Variants in ADCY1 observed in about 807,000 individuals in gnomAD.
ADCY1 encodes adenylate cyclase type 1.
In ADCY1, 28 loss-of-function variants were observed where a neutral mutation model predicts 105.4. That is an observed-to-expected ratio of 0.27 (90% CI 0.20 to 0.36). The LOEUF is 0.36. Ranked by LOEUF, ADCY1 falls within the 10% of genes least tolerant of loss-of-function variation. The pLI is 1.00. For synonymous variants in ADCY1, 655 were observed against 623.8 expected (o/e 1.05, Z -0.75); for missense variants, 977 against 1,434.2 (o/e 0.68, Z 5.15).
chr7:45,687,808 G>C lies in ADCY1; in HGVS notation c.2454+1135G>C, dbSNP rs76773314. On this transcript the variant is annotated intron_variant, in intron 14 of 19. Coordinates refer to ENST00000297323, the MANE Select transcript of ADCY1 (RefSeq NM_021116.4). Reference sequence around the variant, plus strand: ...GCTGGGATCCAGCTGCCATCTGTGTGATCTTTGGGTAGGCTCTGAACCTGT... The same window carrying C: ...GCTGGGATCCAGCTGCCATCTGTGTCATCTTTGGGTAGGCTCTGAACCTGT... Among the ~76,000 whole-genome samples the C allele has an allele frequency of 4.6e-3, 702 of 152,302 alleles. 5 individuals are homozygous for C. Among genetic ancestry groups the C allele is most frequent in the African/African-American group, 0.016 (668 of 41,570 alleles).
Position 45,574,499 on chromosome 7 carries a change from C to T in ADCY1, c.-45C>T. 2 of 939,744 alleles carry T rather than the reference C, an allele frequency of 2.1e-6. No individual in the cohort carries two copies. The highest frequency in any genetic ancestry group is 2.5e-6 in the Non-Finnish European group (2 of 793,400). 58.2% of individuals were successfully genotyped at this position (939,744 alleles called of 1,614,324 possible). ...CCGCCCGCGCCCCGGCGCCCCGGGC[C>T]GGCGAGGGGCGCGCCCGCGGCCGCG... On this transcript the variant is annotated 5_prime_UTR_variant, in exon 1 of 20. Coordinates refer to ENST00000297323, the MANE Select transcript of ADCY1 (RefSeq NM_021116.4). The surrounding 1 kb of genome is among the most constrained non-coding windows in gnomAD (Gnocchi z 7.0).
intron 1 of ADCY1, among the ~76,000 whole-genome samples, chr7:45,590,966 C>G (rs1584252785): frequency 1.3e-5 from 2 of 152,192 alleles, no homozygotes; most frequent in Middle Eastern, 6.8e-3. Flanking sequence ...AGGGTCAGGT[C>G]CCCCATGGAG....
At chr7:45,656,309 A>G (rs1045020129) in intron 5 of ADCY1, among the ~76,000 whole-genome samples, 1 of 152,194 alleles carries the variant, frequency 6.6e-6, no homozygotes, top group Non-Finnish European at 1.5e-5. Context: ...TCTCAAAAAA[A>G]AAAAAAAGTA....
intron 14 of ADCY1, among the ~76,000 whole-genome samples, chr7:45,699,563 C>T (rs372121892): frequency 3.5e-5 from 5 of 143,224 alleles, no homozygotes; most frequent in African/African-American, 1.2e-4. Context: ...GTGAGAGCTG[C>T]GGACAAGGTG....
At chr7:45,644,188 C>T (rs1013107545) in intron 4 of ADCY1, among the ~76,000 whole-genome samples, 1 of 152,176 alleles carries the variant, frequency 6.6e-6, no homozygotes, top group South Asian at 2.1e-4. Flanking sequence ...AATTGGGATG[C>T]AGTGTGCGAG....
At chr7:45,675,677 C>T (rs1354133492) in intron 8 of ADCY1, among the ~76,000 whole-genome samples, 1 of 151,832 alleles carries the variant, frequency 6.6e-6, no homozygotes. Context: ...GAATGTTTTC[C>T]CACTTTTTTC....
At position 45,575,940 on chromosome 7, in the gene ADCY1, C is replaced by T. The variant is rs1302132977; in HGVS notation, c.639+758C>T. 6.6e-6 allele frequency among the ~76,000 whole-genome samples: 1 copy of T among 152,256 alleles called. No individual in the cohort carries two copies. Among genetic ancestry groups the T allele is most frequent in the African/African-American group, 2.4e-5 (1 of 41,474 alleles). ...TGGGCCCTGGAGGAGCCTGCTCTTC[C>T]AACTGCCCGGAGGTGGACGTGGACC... On this transcript the variant is annotated intron_variant, in intron 1 of 19. Transcript: ENST00000297323. The surrounding 1 kb of genome is among the most constrained non-coding windows in gnomAD (Gnocchi z 4.7).
rs117978250 is a variant in ADCY1, at chr7:45,581,928, G to A, written c.639+6746G>A. Among the ~76,000 whole-genome samples, 1,308 of 152,148 alleles carry A rather than the reference G, an allele frequency of 8.6e-3. 74 individuals are homozygous for A. The East Asian group carries it at 0.13, about 15-fold the overall frequency. On this transcript the variant is annotated intron_variant, in intron 1 of 19. Transcript: ENST00000297323. ...ACTCATTCTCCCCCCAAACATGCATGCACATAATCACACAGAAACACACAC... is the reference window on the plus strand; with the variant it reads ...ACTCATTCTCCCCCCAAACATGCATACACATAATCACACAGAAACACACAC...
chr7:45,658,546 CTT>C lies in ADCY1; in HGVS notation c.1307+664_1307+665del, dbSNP rs572767789. Among the ~76,000 whole-genome samples, 11 of 152,336 alleles carry C rather than the reference CTT, an allele frequency of 7.2e-5. No individual in the cohort carries two copies. In the East Asian group the frequency reaches 2.1e-3, roughly 29 times the overall value. On this transcript the variant is annotated intron_variant, in intron 6 of 19. Coordinates refer to ENST00000297323, the MANE Select transcript of ADCY1 (RefSeq NM_021116.4). ...ACACTGGCTGCCCCTCAGCAGGCAACTTTTGCAGAACACTGGCTGCCCCTCAG... is the reference window on the plus strand; with the variant it reads ...ACACTGGCTGCCCCTCAGCAGGCAACTTGCAGAACACTGGCTGCCCCTCAG...
At position 45,634,624 on chromosome 7, in the gene ADCY1, G is replaced by A. The variant is rs1246318487; in HGVS notation, c.1020+11881G>A. On this transcript the variant is annotated intron_variant, in intron 4 of 19. Transcript: ENST00000297323. ...TAAAGATGGTCCCCGACTTATGATA[G>A]TTTGACATATGCTGTTTTGACTTTA... Among the ~76,000 whole-genome samples, 8 of 152,100 alleles carry A rather than the reference G, an allele frequency of 5.3e-5. No individual in the cohort carries two copies. In the East Asian group the frequency reaches 1.5e-3, roughly 29 times the overall value.
At chr7:45,616,571 TG>T (rs1793743472) in intron 3 of ADCY1, among the ~76,000 whole-genome samples, 2 of 152,204 alleles carry the variant, frequency 1.3e-5, no homozygotes, top group Non-Finnish European at 2.9e-5. Context: ...ACAAATCATG[TG>T]ATCATCTCAA....
At chr7:45,595,779 A>G (rs1261308075) in intron 2 of ADCY1, among the ~76,000 whole-genome samples, 27 of 152,240 alleles carry the variant, frequency 1.8e-4, no homozygotes. Flanking sequence ...GCGCTGATTG[A>G]GGACGTGCCT....
At chr7:45,684,033 A>T (rs1784616433) in intron 11 of ADCY1, among the ~76,000 whole-genome samples, 1 of 152,248 alleles carries the variant, frequency 6.6e-6, no homozygotes, top group African/African-American at 2.4e-5. Context: ...CCCAGAGGCC[A>T]GGTTGGGACT....
Position 45,693,544 on chromosome 7 carries a change from C to T in ADCY1, c.2454+6871C>T, listed in dbSNP as rs973244094. Among the ~76,000 whole-genome samples the T allele has an allele frequency of 2.0e-5, 3 of 149,756 alleles. No individual in the cohort carries two copies. In the East Asian group the frequency reaches 5.9e-4, roughly 29 times the overall value. ...ATTGGTCTATTCAGAGATTCAACTT[C>T]TTCCTGGTTTAGTCTTGGGAGAGTG... On this transcript the variant is annotated intron_variant, in intron 14 of 19. Coordinates refer to ENST00000297323, the MANE Select transcript of ADCY1 (RefSeq NM_021116.4).
chr7:45,704,228 C>A (rs866797515), intron 16 of ADCY1, among the ~76,000 whole-genome samples: 23 of 152,018 alleles, frequency 1.5e-4, no homozygotes, highest in Middle Eastern at 3.4e-3. Context: ...AGGCCCCCCC[C>A]ACCCCGACAG....
chr7:45,661,569 G>T (rs1218838378), intron 7 of ADCY1, among the ~76,000 whole-genome samples: 2 of 152,106 alleles, frequency 1.3e-5, no homozygotes, highest in African/African-American at 4.8e-5. Context: ...ATGTTCATCC[G>T]ATTTTACAGA....
At chr7:45,608,063 G>T (rs138469819) in intron 2 of ADCY1, among the ~76,000 whole-genome samples, 31 of 152,316 alleles carry the variant, frequency 2.0e-4, no homozygotes, top group Admixed American at 1.2e-3. Flanking sequence ...CACCAGCAGT[G>T]TATTCCCACC....
intron 4 of ADCY1, among the ~76,000 whole-genome samples, chr7:45,640,486 T>A (rs183070570): frequency 8.7e-4 from 132 of 152,314 alleles, no homozygotes; most frequent in Admixed American, 2.2e-3. Context: ...AGTCAAAGAT[T>A]TTCTGATTTT....
In ADCY1 at chr7:45,716,918, A is replaced by C. The variant is rs554974784; in HGVS notation, c.*2923A>C. 1 of 152,524 alleles carries C rather than the reference A, an allele frequency of 6.6e-6. No individual in the cohort carries two copies. Among genetic ancestry groups the C allele is most frequent in the African/African-American group, 2.4e-5 (1 of 41,582 alleles). The allele number at this position is 152,524 out of a possible 1,614,324, so 9.4% of individuals were successfully genotyped here. A position where few individuals can be genotyped will look rare whatever the true frequency, so the allele number is the denominator to read the frequency against. ...ACAAGGGGCCAGGAGCCAACACCAG[A>C]GGCCACTCCACAACCCCAGCGCCAG... On this transcript the variant is annotated 3_prime_UTR_variant, in exon 20 of 20. Transcript: ENST00000297323.
Sources: gnomAD v4.1 joint callset for allele counts (sites outside exome capture counted in the v4.1 genomes callset) on GRCh38, gnomAD v4.1.1 for gene constraint, Gnocchi (gnomAD v3.1) non-coding constraint, MANE v1.5 for transcripts, NCBI Gene and HGNC (gene_info 2026-07-23, HGNC 2026-07-21) for gene names.